Variants in SLC35F1 observed in about 807,000 individuals in gnomAD.
SLC35F1 encodes the protein solute carrier family 35 member F1, also known as chromosome 6 open reading frame 169.
A neutral mutation model predicts 48.7 loss-of-function variants in SLC35F1; 14 were observed. That is an observed-to-expected ratio of 0.29 (90% CI 0.19 to 0.45). The LOEUF (loss-of-function observed/expected upper bound fraction) is 0.45, where lower values mean the gene tolerates loss of function less well. SLC35F1 is among the 20% of genes least tolerant of loss of function. SLC35F1 has a pLI of 1.00. For synonymous variants in SLC35F1, 190 were observed against 202.2 expected, an observed-to-expected ratio of 0.94 and a Z score of 0.51; for missense variants, 404 against 500.0, an observed-to-expected ratio of 0.81 and a Z score of 1.83.
At chr6:118,022,312 A>G (rs1253569130) in intron 1 of SLC35F1, among the ~76,000 whole-genome samples, 2 of 152,224 alleles carry the variant, frequency 1.3e-5, no homozygotes, top group Non-Finnish European at 2.9e-5. Flanking sequence ...TGTATTAGTG[A>G]CCACAATTGC....
At chr6:118,155,395 G>T (rs1017653721) in intron 2 of SLC35F1, among the ~76,000 whole-genome samples, 1 of 152,110 alleles carries the variant, frequency 6.6e-6, no homozygotes, top group Non-Finnish European at 1.5e-5. Flanking sequence ...GGGCTTCACC[G>T]TCCTGAATAG....
intron 1 of SLC35F1, among the ~76,000 whole-genome samples, chr6:117,971,661 G>A (rs1302080590): frequency 2.6e-5 from 4 of 152,252 alleles, no homozygotes. Context: ...TTCTTGACTT[G>A]TATGCACCTG....
intron 3 of SLC35F1, among the ~76,000 whole-genome samples, chr6:118,245,921 A>T (rs1775501831): frequency 6.6e-6 from 1 of 152,182 alleles, no homozygotes; most frequent in African/African-American, 2.4e-5. Context: ...TCTTGGGCAC[A>T]TATGACTTAA....
At chr6:118,062,864 T>C (rs1480268854) in intron 1 of SLC35F1, among the ~76,000 whole-genome samples, 1 of 152,170 alleles carries the variant, frequency 6.6e-6, no homozygotes, top group Non-Finnish European at 1.5e-5. Flanking sequence ...ATAAATATTA[T>C]TTGGCACTTT....
intron 2 of SLC35F1, among the ~76,000 whole-genome samples, chr6:118,208,587 T>A (rs370279883): frequency 4.1e-4 from 62 of 152,320 alleles, no homozygotes; most frequent in African/African-American, 1.4e-3. Flanking sequence ...GACTTTTTAA[T>A]GTAATAAGTG....
intron 1 of SLC35F1, among the ~76,000 whole-genome samples, chr6:118,036,050 G>A (rs1411020284): frequency 6.6e-6 from 1 of 151,992 alleles, no homozygotes; most frequent in Non-Finnish European, 1.5e-5. Flanking sequence ...TATTTCTGCT[G>A]TTACTTTTGC....
chr6:117,986,632 G>A (rs1335282828), intron 1 of SLC35F1, among the ~76,000 whole-genome samples: 1 of 152,144 alleles, frequency 6.6e-6, no homozygotes, highest in African/African-American at 2.4e-5. Context: ...CCTCTGCCTG[G>A]CTGACCCCAA....
chr6:117,978,438 A>G (rs1014412456), intron 1 of SLC35F1, among the ~76,000 whole-genome samples: 1 of 152,120 alleles, frequency 6.6e-6, no homozygotes, highest in African/African-American at 2.4e-5. Context: ...TTTTGTGGAC[A>G]CCAACACCGT....
intron 1 of SLC35F1, among the ~76,000 whole-genome samples, chr6:118,071,012 G>A (rs28518769): frequency 0.58 from 14,908 of 25,540 alleles, 4,897 homozygotes; most frequent in Middle Eastern, 0.67. Context: ...ATATATACAC[G>A]TAGTATATAT....
intron 2 of SLC35F1, among the ~76,000 whole-genome samples, chr6:118,168,354 C>A (rs1774350170): frequency 6.6e-6 from 1 of 151,912 alleles, no homozygotes; most frequent in African/African-American, 2.4e-5. Flanking sequence ...TAGTAGAGAA[C>A]CTTATATATA....
chr6:117,914,684 AATAAAG>A (rs1348974214), intron 1 of SLC35F1, among the ~76,000 whole-genome samples: 1 of 152,208 alleles, frequency 6.6e-6, no homozygotes, highest in Non-Finnish European at 1.5e-5. Flanking sequence ...CTAAAATAGA[AATAAAG>A]ATAACATATA....
intron 4 of SLC35F1, among the ~76,000 whole-genome samples, chr6:118,271,243 A>G (rs1213387627): frequency 6.6e-6 from 1 of 152,178 alleles, no homozygotes; most frequent in Non-Finnish European, 1.5e-5. Context: ...CTCAGAGAAG[A>G]TAAGCAATAT....
intron 1 of SLC35F1, among the ~76,000 whole-genome samples, chr6:117,947,110 G>A (rs970549685): frequency 6.6e-6 from 1 of 152,180 alleles, no homozygotes; most frequent in Non-Finnish European, 1.5e-5. Flanking sequence ...TATGGAAAGG[G>A]TAATGAAATT....
intron 6 of SLC35F1, 139 bp downstream of exon 6, chr6:118,277,685 T>G: frequency 1.3e-6 from 1 of 742,908 alleles, no homozygotes; most frequent in Non-Finnish European, 2.4e-6. Flanking sequence ...CCCTTTGTCA[T>G]TTCAGGAAAT....
chr6:117,935,450 T>C (rs968789779), intron 1 of SLC35F1, among the ~76,000 whole-genome samples: 8 of 152,244 alleles, frequency 5.3e-5, no homozygotes, highest in Non-Finnish European at 1.2e-4. Flanking sequence ...CAAACCTTTT[T>C]AAAATGTGTG....
At chr6:118,000,477 C>T (rs1380792115) in intron 1 of SLC35F1, among the ~76,000 whole-genome samples, 1 of 152,106 alleles carries the variant, frequency 6.6e-6, no homozygotes, top group Non-Finnish European at 1.5e-5. Context: ...CTATGACAAA[C>T]CCACGGCCAA....
chr6:118,017,405 T>C (rs1430187745), intron 1 of SLC35F1, among the ~76,000 whole-genome samples: 1 of 152,234 alleles, frequency 6.6e-6, no homozygotes, highest in Non-Finnish European at 1.5e-5. Flanking sequence ...TAGGGACTTA[T>C]CAGCAATATT....
intron 2 of SLC35F1, among the ~76,000 whole-genome samples, chr6:118,211,966 G>A (rs1398501234): frequency 6.6e-6 from 1 of 152,174 alleles, no homozygotes; most frequent in African/African-American, 2.4e-5. Flanking sequence ...ACTTGTAACA[G>A]ACATTTGTTG....
intron 1 of SLC35F1, among the ~76,000 whole-genome samples, chr6:118,125,682 C>T (rs1207995819): frequency 6.6e-6 from 1 of 152,168 alleles, no homozygotes; most frequent in African/African-American, 2.4e-5. Flanking sequence ...TCACTAGACC[C>T]CCAAGCTGGT....
Sources: allele counts gnomAD v4.1 joint callset (sites outside exome capture counted in the v4.1 genomes callset), GRCh38; gene constraint gnomAD v4.1.1; transcripts MANE v1.5; gene names NCBI Gene and HGNC (gene_info 2026-07-23, HGNC 2026-07-21).